The following ATP8A1 variants were observed in gnomAD, a reference collection of about 807,000 sequenced individuals.
ATP8A1 encodes ATPase phospholipid transporting 8A1, also known as phospholipid-transporting ATPase IA.
A neutral mutation model predicts 177.7 loss-of-function variants in ATP8A1; 90 were observed. The ratio of observed to expected loss-of-function variants is 0.51; its 90% CI spans 0.43 to 0.60. The LOEUF is 0.60. Among genes scored for constraint, ATP8A1 ranks in the 20% least tolerant of loss-of-function variants. ATP8A1 has a pLI of 0.00. For missense variants in ATP8A1, 1,072 were observed against 1,392.8 expected (o/e 0.77, Z 3.67); for synonymous variants, 493 against 485.9 (o/e 1.01, Z -0.19).
chr4:42,485,567 A>G lies in ATP8A1; in HGVS notation c.2253T>C (p.Tyr751=), dbSNP rs756222876. Residue 751 remains tyrosine, a synonymous_variant, in exon 25 of 37, where the codon TAT becomes TAC. Transcript: ENST00000381668. ...ACTGTCGTACTCCAAAGGTTAAGGC[A>G]TATTTGAGGGTTTTCCCATCAATTA... ...ALIIDGKTLK[Y]ALTFGVRQYF... 8.7e-6 allele frequency: 14 copies of G among 1,613,778 alleles called. No homozygotes were observed. In the Admixed American group the frequency reaches 1.3e-4, roughly 15 times the overall value.
intron 35 of ATP8A1, among the ~76,000 whole-genome samples, chr4:42,420,532 C>T (rs77180165): frequency 0.021 from 3,134 of 152,212 alleles, 108 homozygotes; most frequent in African/African-American, 0.071. Flanking sequence ...ACATATATTA[C>T]GGAATCACTG....
chr4:42,429,296 T>C (rs1038281283), intron 33 of ATP8A1, among the ~76,000 whole-genome samples: 5 of 152,092 alleles, frequency 3.3e-5, no homozygotes, highest in African/African-American at 1.2e-4. Context: ...AAGCTAAATA[T>C]GTTAAACTAT....
chr4:42,589,896 C>T (rs1302039262), intron 7 of ATP8A1, among the ~76,000 whole-genome samples: 1 of 151,126 alleles, frequency 6.6e-6, no homozygotes, highest in Non-Finnish European at 1.5e-5. Context: ...CTTTAAATGG[C>T]TAGGAAGTTA....
chr4:42,531,047 A>G (rs777475120), intron 20 of ATP8A1, among the ~76,000 whole-genome samples: 9 of 149,526 alleles, frequency 6.0e-5, no homozygotes, highest in Admixed American at 2.0e-4. Flanking sequence ...CCTACCTTTA[A>G]GTCAACAGGC....
intron 16 of ATP8A1, among the ~76,000 whole-genome samples, chr4:42,555,148 ATCTATCT>A (rs1560454868): frequency 2.3e-4 from 20 of 87,462 alleles, no homozygotes; most frequent in South Asian, 1.2e-3. Flanking sequence ...TAATCTATCT[ATCTATCT>A]ATCTATCTAT....
chr4:42,481,744 T>C (rs1328163713), intron 25 of ATP8A1, among the ~76,000 whole-genome samples: 1 of 152,174 alleles, frequency 6.6e-6, no homozygotes, highest in South Asian at 2.1e-4. Flanking sequence ...AAGGGCTTCA[T>C]GAAATTTTAC....
At chr4:42,528,411 C>G (rs1254978015) in intron 20 of ATP8A1, among the ~76,000 whole-genome samples, 1 of 152,140 alleles carries the variant, frequency 6.6e-6, no homozygotes, top group African/African-American at 2.4e-5. Flanking sequence ...GGTGGTGATT[C>G]CCACCACATC....
chr4:42,595,745 T>C (rs1479590177), intron 6 of ATP8A1, among the ~76,000 whole-genome samples: 1 of 152,228 alleles, frequency 6.6e-6, no homozygotes, highest in African/African-American at 2.4e-5. Flanking sequence ...AATTCAACTG[T>C]GTGCTTCACA....
At chr4:42,544,754 CTG>C (rs1728722944) in intron 19 of ATP8A1, among the ~76,000 whole-genome samples, 1 of 152,172 alleles carries the variant, frequency 6.6e-6, no homozygotes. Flanking sequence ...ACTCAAATGT[CTG>C]TATCTATTTG....
At chr4:42,522,347 A>G in intron 21 of ATP8A1, 48 bp from the exon 22 acceptor site, 1 of 1,592,640 alleles carries the variant, frequency 6.3e-7, no homozygotes, top group Non-Finnish European at 8.5e-7. Flanking sequence ...GATTTTCTTC[A>G]GAAGTCTGAG....
chr4:42,531,127 T>A (rs1330565710), intron 20 of ATP8A1, among the ~76,000 whole-genome samples: 1 of 152,186 alleles, frequency 6.6e-6, no homozygotes, highest in African/African-American at 2.4e-5. Context: ...TACTGCTCCA[T>A]AACAGAGGTA....
chr4:42,601,940 A>G (rs1008327042), intron 5 of ATP8A1, among the ~76,000 whole-genome samples: 5 of 152,130 alleles, frequency 3.3e-5, no homozygotes, highest in Non-Finnish European at 7.4e-5. Context: ...AATTATTTAA[A>G]TTAAAATATT....
intron 10 of ATP8A1, 35 bp from the exon 11 acceptor site, chr4:42,580,013 T>C: frequency 6.6e-7 from 1 of 1,512,340 alleles, no homozygotes; most frequent in Non-Finnish European, 9.0e-7. Context: ...ATAAAAAATG[T>C]ACACCAATGA....
intron 12 of ATP8A1, among the ~76,000 whole-genome samples, chr4:42,577,547 A>G (rs554975268): frequency 6.6e-6 from 1 of 152,310 alleles, no homozygotes; most frequent in South Asian, 2.1e-4. Flanking sequence ...CTCAAAATAA[A>G]AGAAAAATTA....
intron 19 of ATP8A1, among the ~76,000 whole-genome samples, chr4:42,544,975 C>T (rs1389150179): frequency 6.6e-6 from 1 of 151,950 alleles, no homozygotes; most frequent in Admixed American, 6.6e-5. Context: ...GCCTGACCAA[C>T]ATGGTGAAAC....
chr4:42,556,739 T>C (rs549956526), intron 15 of ATP8A1, among the ~76,000 whole-genome samples: 1 of 152,148 alleles, frequency 6.6e-6, no homozygotes, highest in Admixed American at 6.5e-5. Context: ...AACATAAAAA[T>C]ACTGAGATTC....
chr4:42,535,688 T>G (rs1044220525), intron 20 of ATP8A1, among the ~76,000 whole-genome samples: 1 of 152,142 alleles, frequency 6.6e-6, no homozygotes. Context: ...CATGGAACAT[T>G]CTCCAAGATA....
chr4:42,563,746 C>T (rs1731076994), intron 15 of ATP8A1, among the ~76,000 whole-genome samples: 1 of 152,142 alleles, frequency 6.6e-6, no homozygotes, highest in Non-Finnish European at 1.5e-5. Context: ...GGTGGAAGCC[C>T]CAAGTCTTGG....
chr4:42,615,997 T>G, intron 5 of ATP8A1, 36 bp downstream of exon 5: 1 of 1,575,514 alleles, frequency 6.3e-7, no homozygotes, highest in Non-Finnish European at 8.7e-7. Context: ...CAAGTAGGTT[T>G]GACAAATATG....
Sources: allele counts gnomAD v4.1 joint callset (sites outside exome capture counted in the v4.1 genomes callset), GRCh38; gene constraint gnomAD v4.1.1; transcripts MANE v1.5; gene names NCBI Gene and HGNC (gene_info 2026-07-23, HGNC 2026-07-21).